The following MID2 variants were observed in gnomAD, a reference collection of about 807,000 sequenced individuals.
MID2 encodes midline 2.
A neutral mutation model predicts 46.1 loss-of-function variants in MID2; 13 were observed. That is an observed-to-expected ratio of 0.28 (90% CI 0.18 to 0.45). The LOEUF is 0.45. Among genes scored for constraint, MID2 ranks in the 20% least tolerant of loss-of-function variants. MID2 has a pLI of 1.00. For synonymous variants in MID2, 199 were observed against 212.3 expected (o/e 0.94, Z 0.55); for missense variants, 431 against 575.4 (o/e 0.75, Z 2.57).
rs1931270029 is a variant in MID2, at chrX:107,839,070, T to C, written c.5-1600T>C. 2.7e-5 allele frequency among the ~76,000 whole-genome samples: 3 copies of C among 111,023 alleles called. 1 individual carries two copies. Among genetic ancestry groups the C allele is most frequent in the South Asian group, 7.7e-4 (2 of 2,611 alleles). ...AGGTGGACGTTGCAGTTAGCCAAGA[T>C]TGTACCACTGCACTCCACCCTGAAT... On this transcript the variant is annotated intron_variant, in intron 1 of 9. Coordinates refer to ENST00000262843, the MANE Select transcript of MID2 (RefSeq NM_012216.4).
chrX:107,902,238 C>CAT (rs1328367951), intron 3 of MID2, among the ~76,000 whole-genome samples: 1 of 111,813 alleles, frequency 8.9e-6, no homozygotes, highest in African/African-American at 3.2e-5. Context: ...CAATGCCAGG[C>CAT]ATATAGTGTT....
intron 2 of MID2, among the ~76,000 whole-genome samples, chrX:107,845,521 A>ACTCTCTCTCTCTCTCTCT (rs1393665429): frequency 2.3e-5 from 2 of 85,710 alleles, no homozygotes; most frequent in East Asian, 6.4e-4. Context: ...ACACACACAC[A>ACTCTCTCTCTCTCTCTCT]CACACTCTCT....
At chrX:107,895,844 G>A (rs868830942) in intron 3 of MID2, 1 of 112,162 alleles carries the variant, frequency 8.9e-6, no homozygotes, top group Middle Eastern at 4.6e-3. Flanking sequence ...ATGTGATGCT[G>A]GATAAGCCTC....
Position 107,826,334 on chromosome X carries a change from T to C in MID2, c.-93T>C. Reference sequence around the variant, plus strand: ...GCGGCGGCGACCGGGGCCCGGGAGCTCGCGCCGGAGCCCGAGCCAACCCGC... The same window carrying C: ...GCGGCGGCGACCGGGGCCCGGGAGCCCGCGCCGGAGCCCGAGCCAACCCGC... On this transcript the variant is annotated 5_prime_UTR_variant, in exon 1 of 10. Coordinates refer to ENST00000262843, the MANE Select transcript of MID2 (RefSeq NM_012216.4). 9.6e-7 allele frequency: 1 copy of C among 1,040,387 alleles called. No individual in the cohort carries two copies. The highest frequency in any genetic ancestry group is 4.2e-5 in the East Asian group (1 of 23,646). 85.7% of individuals were successfully genotyped at this position (1,040,387 alleles called of 1,213,427 possible).
intron 8 of MID2, 54 bp downstream of exon 8, chrX:107,924,558 G>T (rs1433504978): frequency 2.3e-5 from 26 of 1,149,638 alleles, no homozygotes; most frequent in Non-Finnish European, 3.1e-5. Flanking sequence ...CATGCCAGGG[G>T]AGTACACAGC....
At chrX:107,892,284 A>G (rs1416679995) in intron 3 of MID2, among the ~76,000 whole-genome samples, 8 of 112,118 alleles carry the variant, frequency 7.1e-5, no homozygotes. Flanking sequence ...TGGCCTTGGA[A>G]AAAGCCCTAG....
Position 107,916,105 on chromosome X carries a change from C to T in MID2, c.1177C>T (p.Leu393=), listed in dbSNP as rs1334083991. 5 of 1,197,896 alleles carry T rather than the reference C, an allele frequency of 4.2e-6. No homozygotes were observed. The African/African-American group carries it at 7.1e-5, about 17-fold the overall frequency. Residue 393 remains leucine, a synonymous_variant, in exon 6 of 10, where the codon CTA becomes TTA. Coordinates refer to ENST00000262843, the MANE Select transcript of MID2 (RefSeq NM_012216.4). ...AGATTTTTCCAGAGAAAAGAAACTG[C>T]TAGAGGGGTTAGATTATTTAACAGG... ...ALDFSREKKL[L]EGLDYLTAPN...
intron 1 of MID2, among the ~76,000 whole-genome samples, chrX:107,838,828 T>C (rs1001355536): frequency 8.9e-6 from 1 of 112,311 alleles, no homozygotes; most frequent in Non-Finnish European, 1.9e-5. Flanking sequence ...TTTCTTGGGC[T>C]TGGCTCTGTG....
intron 3 of MID2, among the ~76,000 whole-genome samples, chrX:107,884,579 G>T (rs1932403181): frequency 1.8e-5 from 2 of 112,240 alleles, no homozygotes; most frequent in African/African-American, 6.5e-5. Context: ...CTACTCTGCT[G>T]CCTGAGTAGA....
At chrX:107,914,997 G>C (rs1932945234) in intron 5 of MID2, among the ~76,000 whole-genome samples, 1 of 112,259 alleles carries the variant, frequency 8.9e-6, no homozygotes, top group African/African-American at 3.2e-5. Flanking sequence ...GAGTAAATTA[G>C]ATAGTGTATG....
chrX:107,838,330 G>A (rs1192690368), intron 1 of MID2, among the ~76,000 whole-genome samples: 1 of 112,272 alleles, frequency 8.9e-6, no homozygotes. Flanking sequence ...TCTCTCAAAA[G>A]TCTCTTCCAA....
chrX:107,911,474 C>A (rs1932896224), intron 5 of MID2, among the ~76,000 whole-genome samples: 1 of 111,772 alleles, frequency 8.9e-6, no homozygotes, highest in African/African-American at 3.3e-5. Flanking sequence ...AAGAGCTCAT[C>A]CTTCACCTTG....
chrX:107,847,780 G>GGGT (rs1254384712), intron 2 of MID2, among the ~76,000 whole-genome samples: 2 of 111,625 alleles, frequency 1.8e-5, no homozygotes, highest in African/African-American at 6.5e-5. Context: ...GAGCTCTCAG[G>GGGT]TTAGTGTGGG....
At position 107,930,843 on chromosome X, in the gene MID2, A is replaced by G. The variant is rs757837961; in HGVS notation, c.*3770A>G. ...GTTCTCCACAACTGTTTCTACCAGA[A>G]GATTATTTTATGTCTGCAATTTATG... On this transcript the variant is annotated 3_prime_UTR_variant, in exon 10 of 10. Coordinates refer to ENST00000262843, the MANE Select transcript of MID2 (RefSeq NM_012216.4). 2.7e-5 allele frequency among the ~76,000 whole-genome samples: 3 copies of G among 112,741 alleles called. No homozygotes were observed. The highest frequency in any genetic ancestry group is 3.8e-5 in the Non-Finnish European group (2 of 53,292).
intron 2 of MID2, among the ~76,000 whole-genome samples, chrX:107,842,710 A>C (rs1931375518): frequency 8.9e-6 from 1 of 112,420 alleles, no homozygotes; most frequent in Admixed American, 9.4e-5. Context: ...TAGCAAATTC[A>C]ATTTTTTTAT....
At chrX:107,848,541 G>T (rs1024229925) in intron 2 of MID2, among the ~76,000 whole-genome samples, 2 of 111,193 alleles carry the variant, frequency 1.8e-5, no homozygotes, top group Non-Finnish European at 3.8e-5. Context: ...AGAGCCTTTT[G>T]AAAAGATGGC....
At position 107,841,254 on chromosome X, in the gene MID2, G is replaced by A; in HGVS notation, c.589G>A (p.Asp197Asn). 8.3e-7 allele frequency: 1 copy of A among 1,211,224 alleles called. No homozygotes were observed. The change falls in exon 2 of 10, where the codon GAC (aspartate) becomes AAC (asparagine). Residue 197 changes from aspartate to asparagine, a missense_variant. Asp to Asn is a conservative substitution (Grantham distance 23). Coordinates refer to ENST00000262843, the MANE Select transcript of MID2 (RefSeq NM_012216.4). The part of the protein sequence containing the change: ...DTHLRGITCL[D>N]HENEKVNMYC... ...ACATCTTCGAGGGATCACCTGCCTG[G>A]ACCATGAGAATGAGAAAGTGAACAT...
intron 1 of MID2, among the ~76,000 whole-genome samples, chrX:107,829,527 C>A (rs1274313801): frequency 1.8e-5 from 2 of 112,358 alleles, no homozygotes; most frequent in African/African-American, 6.5e-5. Context: ...TGAAAAGTGT[C>A]ATAAATAATT....
At chrX:107,922,973 T>C (rs1933099351) in intron 7 of MID2, among the ~76,000 whole-genome samples, 1 of 112,011 alleles carries the variant, frequency 8.9e-6, no homozygotes, top group Non-Finnish European at 1.9e-5. Flanking sequence ...CAAACATTGC[T>C]CCTACCCTTT....
Sources: allele counts gnomAD v4.1 joint callset (sites outside exome capture counted in the v4.1 genomes callset), GRCh38; gene constraint gnomAD v4.1.1; transcripts MANE v1.5; gene names NCBI Gene and HGNC (gene_info 2026-07-23, HGNC 2026-07-21).